Variants in SLC16A7 observed in about 807,000 individuals in gnomAD.
SLC16A7 encodes the protein monocarboxylate transporter 2.
Under a neutral mutation model 34.9 loss-of-function variants are expected in SLC16A7, and 33 were observed. That is an observed-to-expected ratio of 0.94 (90% CI 0.72 to 1.26). SLC16A7 has a LOEUF of 1.26. Ranked by LOEUF, SLC16A7 falls within the 50% of genes most tolerant of loss-of-function variation. The probability of loss-of-function intolerance (pLI) is 0.00; values close to 1 mark genes in which losing one functional copy is unlikely to be tolerated. For missense variants in SLC16A7, 573 were observed against 578.1 expected (o/e 0.99, Z 0.09); for synonymous variants, 201 against 206.6 (o/e 0.97, Z 0.23).
Position 59,765,764 on chromosome 12 carries a change from C to T in SLC16A7, c.218-5455C>T, listed in dbSNP as rs13253484. ...TGTAGTATAGTTTGAAGTCAGGTAGCGTGATGCCTCCAGCTGTGTTCTTTT... is the reference window on the plus strand; with the variant it reads ...TGTAGTATAGTTTGAAGTCAGGTAGTGTGATGCCTCCAGCTGTGTTCTTTT... On this transcript the variant is annotated intron_variant, in intron 3 of 5. Coordinates refer to ENST00000547379, the MANE Select transcript of SLC16A7 (RefSeq NM_001270623.2). Among the ~76,000 whole-genome samples the T allele has an allele frequency of 1.7e-3, 252 of 152,168 alleles. 3 individuals are homozygous for T. In the South Asian group the frequency reaches 0.021, roughly 13 times the overall value.
At chr12:59,672,430 C>T (rs1056877458) in intron 2 of SLC16A7, among the ~76,000 whole-genome samples, 4 of 150,896 alleles carry the variant, frequency 2.7e-5, no homozygotes, top group African/African-American at 7.3e-5. Flanking sequence ...ACTTTCTTAT[C>T]TCCCATCTTG....
Position 59,779,797 on chromosome 12 carries a change from T to G in SLC16A7, c.*118T>G. On this transcript the variant is annotated 3_prime_UTR_variant, in exon 6 of 6. Transcript: ENST00000547379. ...TGAAATGAGGAGTCACAATTAAGGA[T>G]GGAGGTGATATTTTCCTCAATGGCA... The G allele has an allele frequency of 1.3e-6, 1 of 764,122 alleles. No individual in the cohort carries two copies. The highest frequency in any genetic ancestry group is 2.0e-6 in the Non-Finnish European group (1 of 488,696). The allele number at this position is 764,122 out of a possible 1,614,324, so 47.3% of individuals were successfully genotyped here. A position where few individuals can be genotyped will look rare whatever the true frequency, so the allele number is the denominator to read the frequency against.
At chr12:59,747,310 C>A in intron 3 of SLC16A7, among the ~76,000 whole-genome samples, 1 of 151,970 alleles carries the variant, frequency 6.6e-6, no homozygotes. Context: ...TTGTACATTT[C>A]AATAAAATCA....
At chr12:59,647,080 A>T (rs1426485300) in intron 1 of SLC16A7, among the ~76,000 whole-genome samples, 1 of 152,082 alleles carries the variant, frequency 6.6e-6, no homozygotes, top group Non-Finnish European at 1.5e-5. Flanking sequence ...ATGGACTTGG[A>T]CTTTTAGGTT....
chr12:59,620,125 T>C (rs1879635748), intron 1 of SLC16A7, among the ~76,000 whole-genome samples: 1 of 151,936 alleles, frequency 6.6e-6, no homozygotes, highest in African/African-American at 2.4e-5. Context: ...TCTGTGTTGA[T>C]ACTGTGTGGT....
chr12:59,724,422 TAAAAA>T (rs1271631394), intron 3 of SLC16A7, among the ~76,000 whole-genome samples: 1 of 151,902 alleles, frequency 6.6e-6, no homozygotes, highest in South Asian at 2.1e-4. Flanking sequence ...ATATAGATAA[TAAAAA>T]AGAATGATAA....
At chr12:59,689,960 C>G (rs1871451299) in intron 2 of SLC16A7, among the ~76,000 whole-genome samples, 1 of 151,976 alleles carries the variant, frequency 6.6e-6, no homozygotes, top group African/African-American at 2.4e-5. Context: ...ATTCCAGGCT[C>G]TCTATGATGC....
intron 2 of SLC16A7, among the ~76,000 whole-genome samples, chr12:59,686,095 C>CTTT (rs572779305): frequency 1.2e-3 from 108 of 93,472 alleles, no homozygotes; most frequent in Middle Eastern, 7.9e-3. Flanking sequence ...AAGAACTTTT[C>CTTT]TTTTTTTTTT....
intron 1 of SLC16A7, among the ~76,000 whole-genome samples, chr12:59,624,031 C>T (rs1357885653): frequency 6.6e-6 from 1 of 150,938 alleles, no homozygotes; most frequent in African/African-American, 2.4e-5. Context: ...TTTTTTGACC[C>T]TCAAGTATTC....
At chr12:59,668,361 G>A (rs1869383830) in intron 2 of SLC16A7, among the ~76,000 whole-genome samples, 2 of 152,178 alleles carry the variant, frequency 1.3e-5, no homozygotes, top group Admixed American at 1.3e-4. Flanking sequence ...AGCTGCCCAA[G>A]GCCACGGGAA....
chr12:59,776,025 T>G (rs13378061), intron 5 of SLC16A7, among the ~76,000 whole-genome samples: 1 of 152,094 alleles, frequency 6.6e-6, no homozygotes, highest in Non-Finnish European at 1.5e-5. Context: ...TTATTCACAG[T>G]TTTTTTGAGG....
At chr12:59,620,047 A>G (rs1879631909) in intron 1 of SLC16A7, among the ~76,000 whole-genome samples, 1 of 151,986 alleles carries the variant, frequency 6.6e-6, no homozygotes, top group South Asian at 2.1e-4. Context: ...AGATGATGCT[A>G]ATAGCAACTG....
At chr12:59,662,887 G>A (rs1457493348) in intron 2 of SLC16A7, among the ~76,000 whole-genome samples, 7 of 152,080 alleles carry the variant, frequency 4.6e-5, no homozygotes, top group Non-Finnish European at 1.0e-4. Context: ...TGTTTAAGAT[G>A]TTAAGGTAAT....
chr12:59,686,383 A>T (rs1365932014), intron 2 of SLC16A7, among the ~76,000 whole-genome samples: 2 of 152,072 alleles, frequency 1.3e-5, no homozygotes, highest in South Asian at 2.1e-4. Flanking sequence ...CAGTATTATT[A>T]TCGCTTGGCC....
At chr12:59,598,902 C>A (rs1432043926) in intron 1 of SLC16A7, among the ~76,000 whole-genome samples, 1 of 152,220 alleles carries the variant, frequency 6.6e-6, no homozygotes, top group Admixed American at 6.5e-5. Flanking sequence ...TGTGCTACTA[C>A]TGTCTGATAG....
intron 1 of SLC16A7, among the ~76,000 whole-genome samples, chr12:59,629,009 G>C (rs1333796259): frequency 1.3e-5 from 2 of 151,856 alleles, no homozygotes; most frequent in African/African-American, 4.8e-5. Flanking sequence ...GAAAGTTCAA[G>C]ATCAAGGTGC....
intron 2 of SLC16A7, among the ~76,000 whole-genome samples, chr12:59,673,295 G>A (rs1416514396): frequency 6.6e-6 from 1 of 152,054 alleles, no homozygotes; most frequent in East Asian, 1.9e-4. Flanking sequence ...TAAATATTGA[G>A]CTGTTATTTT....
At chr12:59,748,756 T>C (rs1238774849) in intron 3 of SLC16A7, among the ~76,000 whole-genome samples, 1 of 152,206 alleles carries the variant, frequency 6.6e-6, no homozygotes, top group Non-Finnish European at 1.5e-5. Flanking sequence ...CAAACTACCT[T>C]TTTATCTTGT....
chr12:59,596,464 T>C lies in SLC16A7; in HGVS notation c.-130+228T>C, dbSNP rs1306195777. Among the ~76,000 whole-genome samples the C allele has an allele frequency of 6.6e-6, 1 of 151,174 alleles. No individual in the cohort carries two copies. The highest frequency in any genetic ancestry group is 1.5e-5 in the Non-Finnish European group (1 of 67,870). On this transcript the variant is annotated intron_variant, in intron 1 of 5. Coordinates refer to ENST00000547379, the MANE Select transcript of SLC16A7 (RefSeq NM_001270623.2). This position sits in a 1 kb window ranked among gnomAD's most constrained non-coding sequence, Gnocchi z 5.0. ...CGGGAGCAGAGCTCGCGTCAGCCAG[T>C]GCGCGCCGACAGCTGCCCGGGAACT...
Sources: gnomAD v4.1 joint callset for allele counts (sites outside exome capture counted in the v4.1 genomes callset) on GRCh38, gnomAD v4.1.1 for gene constraint, Gnocchi (gnomAD v3.1) non-coding constraint, MANE v1.5 for transcripts, NCBI Gene and HGNC (gene_info 2026-07-23, HGNC 2026-07-21) for gene names.